Variants in ZFHX3 observed in about 807,000 individuals in gnomAD.
ZFHX3 encodes the protein zinc finger homeobox 3.
Under a neutral mutation model 279.1 loss-of-function variants are expected in ZFHX3, and 42 were observed. The ratio of observed to expected loss-of-function variants is 0.15; its 90% confidence interval spans 0.12 to 0.19. The LOEUF (loss-of-function observed/expected upper bound fraction) is 0.19. Among genes scored for constraint, ZFHX3 ranks in the 10% least tolerant of loss-of-function variants. ZFHX3 has a pLI of 1.00. For synonymous variants in ZFHX3, 2,293 were observed against 1,957.8 expected, an observed-to-expected ratio of 1.17 and a Z score of -4.52; for missense variants, 4,981 against 4,754.0, an observed-to-expected ratio of 1.05 and a Z score of -1.40.
chr16:72,924,162 T>C (rs149317058), intron 3 of ZFHX3, among the ~76,000 whole-genome samples: 1 of 152,222 alleles, frequency 6.6e-6, no homozygotes, highest in Non-Finnish European at 1.5e-5. Flanking sequence ...TTAGACCTCT[T>C]TGAAGCCACA....
chr16:73,020,012 C>T (rs987266564), intron 1 of ZFHX3, among the ~76,000 whole-genome samples: 3 of 152,130 alleles, frequency 2.0e-5, no homozygotes, highest in Non-Finnish European at 2.9e-5. Flanking sequence ...TATCACCATT[C>T]GTTATCATCG....
At chr16:73,254,666 C>A (rs1829529544) in intron 5 of ZFHX3, among the ~76,000 whole-genome samples, 1 of 152,088 alleles carries the variant, frequency 6.6e-6, no homozygotes, top group African/African-American at 2.4e-5. Context: ...GTAATATTCA[C>A]AACCAGTTTA....
At chr16:73,600,854 A>T (rs2052106804) in intron 2 of ZFHX3, among the ~76,000 whole-genome samples, 1 of 152,084 alleles carries the variant, frequency 6.6e-6, no homozygotes, top group Non-Finnish European at 1.5e-5. Flanking sequence ...CTGGTTTGTC[A>T]TGGAACACCA....
intron 1 of ZFHX3, among the ~76,000 whole-genome samples, chr16:73,848,102 A>G (rs1222570155): frequency 6.6e-6 from 1 of 151,914 alleles, no homozygotes; most frequent in Non-Finnish European, 1.5e-5. Flanking sequence ...CCGGAAGAGT[A>G]AACTAATTTT....
Position 72,993,303 on chromosome 16 carries a change from G to A in ZFHX3, c.-49-33109C>T, listed in dbSNP as rs150037442. Among the ~76,000 whole-genome samples, 3 of 152,304 alleles carry A rather than the reference G, an allele frequency of 2.0e-5. No homozygotes were observed. The East Asian group carries it at 5.8e-4, about 29-fold the overall frequency. ...CCACTGTTCGCATCACAAGATTCTAGATGCCAGGCCATGTGGTCTATGCTA... is the reference window on the plus strand; with the variant it reads ...CCACTGTTCGCATCACAAGATTCTAAATGCCAGGCCATGTGGTCTATGCTA... On this transcript the variant is annotated intron_variant, in intron 1 of 9. Coordinates refer to ENST00000268489, the MANE Select transcript of ZFHX3 (RefSeq NM_006885.4).
intron 3 of ZFHX3, among the ~76,000 whole-genome samples, chr16:73,416,210 G>A (rs2017578191): frequency 6.6e-6 from 1 of 151,592 alleles, no homozygotes; most frequent in African/African-American, 2.4e-5. Context: ...CTTGTTCAAA[G>A]TCACACAGTG....
intron 2 of ZFHX3, among the ~76,000 whole-genome samples, chr16:73,509,968 G>T (rs185061097): frequency 3.9e-4 from 59 of 152,256 alleles, no homozygotes; most frequent in Non-Finnish European, 2.9e-5. Flanking sequence ...AGTTCTGGGA[G>T]TACAGGCATG....
At chr16:73,779,754 T>C (rs1423533760) in intron 1 of ZFHX3, among the ~76,000 whole-genome samples, 1 of 152,198 alleles carries the variant, frequency 6.6e-6, no homozygotes, top group Non-Finnish European at 1.5e-5. Flanking sequence ...AGTCTCGTTC[T>C]GTCGTCAGGT....
chr16:73,172,014 C>T (rs1366917781), intron 5 of ZFHX3, among the ~76,000 whole-genome samples: 3 of 152,164 alleles, frequency 2.0e-5, no homozygotes, highest in Non-Finnish European at 2.9e-5. Flanking sequence ...CTTTTGGGTC[C>T]GCCAGAGATG....
intron 2 of ZFHX3, among the ~76,000 whole-genome samples, chr16:73,662,872 T>C (rs112176119): frequency 0.054 from 8,203 of 151,930 alleles, 284 homozygotes; most frequent in Middle Eastern, 0.12. Flanking sequence ...GGAGAAGGGG[T>C]GAGGAGGCAG....
intron 1 of ZFHX3, among the ~76,000 whole-genome samples, chr16:73,005,264 G>C (rs1185993561): frequency 1.3e-5 from 2 of 152,212 alleles, no homozygotes; most frequent in Admixed American, 6.5e-5. Flanking sequence ...GGGAGGCCAA[G>C]GCGGGAAGAT....
chr16:73,108,121 A>G (rs932151222), intron 7 of ZFHX3, among the ~76,000 whole-genome samples: 1 of 152,166 alleles, frequency 6.6e-6, no homozygotes, highest in Non-Finnish European at 1.5e-5. Context: ...AGATTGTGCC[A>G]CTGCACTCCA....
chr16:73,824,378 TTTC>T (rs1597132439), intron 1 of ZFHX3, among the ~76,000 whole-genome samples: 2 of 109,792 alleles, frequency 1.8e-5, no homozygotes, highest in Non-Finnish European at 1.9e-5. Context: ...TTCCAAATAA[TTTC>T]TTTTTTTTTT....
chr16:73,478,705 A>T (rs745667650), intron 2 of ZFHX3, among the ~76,000 whole-genome samples: 1 of 152,190 alleles, frequency 6.6e-6, no homozygotes, highest in Non-Finnish European at 1.5e-5. Flanking sequence ...AGGGTGTCGT[A>T]CAGGATGATT....
At chr16:73,231,333 G>T (rs1390063481) in intron 5 of ZFHX3, among the ~76,000 whole-genome samples, 1 of 152,180 alleles carries the variant, frequency 6.6e-6, no homozygotes. Flanking sequence ...GAACCGAGGG[G>T]ACAATGCAAA....
intron 3 of ZFHX3, among the ~76,000 whole-genome samples, chr16:73,366,408 C>A (rs1018368274): frequency 6.6e-6 from 1 of 151,482 alleles, no homozygotes; most frequent in East Asian, 1.9e-4. Flanking sequence ...TATTTTGATT[C>A]CTAAGTGGAA....
intron 2 of ZFHX3, among the ~76,000 whole-genome samples, chr16:73,485,252 A>G (rs2018952075): frequency 6.6e-6 from 1 of 152,118 alleles, no homozygotes; most frequent in East Asian, 1.9e-4. Flanking sequence ...TGAGGAGGAA[A>G]ATAGCCAACC....
intron 3 of ZFHX3, among the ~76,000 whole-genome samples, chr16:73,430,265 G>T (rs929036944): frequency 6.6e-6 from 1 of 152,086 alleles, no homozygotes; most frequent in Non-Finnish European, 1.5e-5. Flanking sequence ...AATGCCCAGT[G>T]CCATTTGCAT....
intron 1 of ZFHX3, among the ~76,000 whole-genome samples, chr16:73,863,206 A>C (rs1190350593): frequency 6.6e-6 from 1 of 152,198 alleles, no homozygotes; most frequent in Non-Finnish European, 1.5e-5. Flanking sequence ...ACTCCGTCTC[A>C]AAATAAACAA....
Sources: allele counts gnomAD v4.1 joint callset (sites outside exome capture counted in the v4.1 genomes callset), GRCh38; gene constraint gnomAD v4.1.1; transcripts MANE v1.5; gene names NCBI Gene and HGNC (gene_info 2026-07-23, HGNC 2026-07-21).